CSGALNACT1: variants seen among roughly 807,000 people sequenced by gnomAD.
CSGALNACT1 encodes the protein beta4GalNAcT-1.
In CSGALNACT1, 52 loss-of-function variants were observed where a neutral mutation model predicts 51.0. The observed-to-expected ratio is 1.02, with a 90% confidence interval of 0.82 to 1.29. The LOEUF is 1.29. Ranked by LOEUF, CSGALNACT1 falls within the 50% of genes most tolerant of loss-of-function variation. CSGALNACT1 has a pLI of 0.00. For synonymous variants in CSGALNACT1, 341 were observed against 254.4 expected (o/e 1.34, Z -3.24); for missense variants, 935 against 679.2 (o/e 1.38, Z -4.19).
chr8:19,452,793 A>G (rs1055156658), intron 5 of CSGALNACT1, among the ~76,000 whole-genome samples: 5 of 152,050 alleles, frequency 3.3e-5, no homozygotes, highest in Admixed American at 1.3e-4. Context: ...CCCTACACCA[A>G]GCGAGCCGGG....
Position 19,636,847 on chromosome 8 carries a change from T to C in CSGALNACT1, c.-543-34982A>G, listed in dbSNP as rs553782953. On this transcript the variant is annotated intron_variant, in intron 1 of 9. Transcript: ENST00000332246. Reference sequence around the variant, plus strand: ...GGTCAATCAAAATCCTTGAGACAATTGTTTCACACTGAAGAAAGCAAGGAC... The same window carrying C: ...GGTCAATCAAAATCCTTGAGACAATCGTTTCACACTGAAGAAAGCAAGGAC... Among the ~76,000 whole-genome samples the C allele has an allele frequency of 6.6e-5, 10 of 152,306 alleles. No individual in the cohort carries two copies. In the South Asian group the frequency reaches 2.1e-3, roughly 32 times the overall value.
intron 3 of CSGALNACT1, among the ~76,000 whole-genome samples, chr8:19,578,372 A>G (rs2044757751): frequency 6.6e-6 from 1 of 152,174 alleles, no homozygotes; most frequent in Non-Finnish European, 1.5e-5. Flanking sequence ...TCCTTCCTGT[A>G]CTTAGGAATC....
At position 19,493,873 on chromosome 8, in the gene CSGALNACT1, C is replaced by T. The variant is rs573898375; in HGVS notation, c.634+11328G>A. ...GTATATATACGTATGTGTGTTTATA[C>T]ACACACACACACACACACACACACA... is the stretch of plus-strand genomic sequence containing the variant. On this transcript the variant is annotated intron_variant, in intron 4 of 9. Coordinates refer to ENST00000454498, the Ensembl canonical transcript of CSGALNACT1. Among the ~76,000 whole-genome samples, 141 of 15,308 alleles carry T rather than the reference C, an allele frequency of 9.2e-3. 3 individuals are homozygous for T. The highest frequency in any genetic ancestry group is 0.041 in the East Asian group (126 of 3,064). The allele number at this position is 15,308 out of a possible 152,430, so 10.0% of individuals were successfully genotyped here.
chr8:19,634,055 G>C (rs979600429), intron 1 of CSGALNACT1, among the ~76,000 whole-genome samples: 2 of 152,140 alleles, frequency 1.3e-5, no homozygotes, highest in African/African-American at 4.8e-5. Flanking sequence ...CTGGGACTTG[G>C]GAGTTTGTTT....
intron 1 of CSGALNACT1, among the ~76,000 whole-genome samples, chr8:19,669,032 C>T (rs763582195): frequency 4.6e-5 from 7 of 152,204 alleles, no homozygotes; most frequent in Non-Finnish European, 1.0e-4. Context: ...TGAATATTTA[C>T]AGGCTCTCAA....
At chr8:19,568,525 T>A (rs991759407) in intron 3 of CSGALNACT1, among the ~76,000 whole-genome samples, 7 of 152,136 alleles carry the variant, frequency 4.6e-5, no homozygotes, top group African/African-American at 1.4e-4. Context: ...TAAATAAACA[T>A]CAAATAATCA....
At chr8:19,587,117 G>A (rs1270140473) in intron 3 of CSGALNACT1, among the ~76,000 whole-genome samples, 5 of 152,124 alleles carry the variant, frequency 3.3e-5, no homozygotes, top group Non-Finnish European at 4.4e-5. Flanking sequence ...CAGGGCTGCA[G>A]GACCAAAAAC....
chr8:19,471,880 C>G (rs1456169179), intron 4 of CSGALNACT1, among the ~76,000 whole-genome samples: 2 of 152,192 alleles, frequency 1.3e-5, no homozygotes, highest in African/African-American at 4.8e-5. Flanking sequence ...AACTGGGCCT[C>G]TGCACTTTTC....
chr8:19,658,704 A>T (rs2058506400), intron 1 of CSGALNACT1, among the ~76,000 whole-genome samples: 1 of 152,156 alleles, frequency 6.6e-6, no homozygotes, highest in Non-Finnish European at 1.5e-5. Context: ...ACTGCACTCC[A>T]GCCTGGGTGA....
intron 8 of CSGALNACT1, among the ~76,000 whole-genome samples, chr8:19,409,699 C>T (rs2055239038): frequency 6.6e-6 from 1 of 152,068 alleles, no homozygotes; most frequent in African/African-American, 2.4e-5. Context: ...GCAGCAGGTT[C>T]CTCTTTCCCC....
chr8:19,522,040 C>A (rs1418291386), intron 3 of CSGALNACT1, among the ~76,000 whole-genome samples: 3 of 152,156 alleles, frequency 2.0e-5, no homozygotes, highest in Non-Finnish European at 4.4e-5. Flanking sequence ...ACCATTTGAG[C>A]CCTGCAGTTG....
chr8:19,716,708 C>T lies in CSGALNACT1; in HGVS notation c.-297+41142G>A, dbSNP rs141837081. ...TCAGGAGACTGAGGCATGAGAATCACGGGAACATGGGAGGCAGAAGTTGTA... is the reference window on the plus strand; with the variant it reads ...TCAGGAGACTGAGGCATGAGAATCATGGGAACATGGGAGGCAGAAGTTGTA... On this transcript the variant is annotated intron_variant, in intron 1 of 1. Transcript: ENST00000517494. 2.8e-3 allele frequency among the ~76,000 whole-genome samples: 421 copies of T among 149,574 alleles called. 1 individual carries two copies. Among genetic ancestry groups the T allele is most frequent in the Admixed American group, 5.2e-3 (77 of 14,884 alleles).
intron 1 of CSGALNACT1, among the ~76,000 whole-genome samples, chr8:19,628,133 C>T (rs1486398166): frequency 6.6e-6 from 1 of 152,162 alleles, no homozygotes; most frequent in East Asian, 1.9e-4. Context: ...TACACCTTTG[C>T]AGTAGATACT....
At chr8:19,673,532 G>T (rs1320420428) in intron 1 of CSGALNACT1, among the ~76,000 whole-genome samples, 1 of 152,162 alleles carries the variant, frequency 6.6e-6, no homozygotes, top group African/African-American at 2.4e-5. Flanking sequence ...CTGTCTTCAA[G>T]ATGCACCACA....
At chr8:19,725,197 C>G (rs1338023062) in intron 1 of CSGALNACT1, among the ~76,000 whole-genome samples, 4 of 152,174 alleles carry the variant, frequency 2.6e-5, no homozygotes, top group Non-Finnish European at 5.9e-5. Context: ...TGCGGAAGTC[C>G]AAGGCACTAA....
In CSGALNACT1 at chr8:19,543,077, C is replaced by T. The variant is rs372189268; in HGVS notation, c.-296-36947G>A. ...TCAGTTACATATGCAAAATATAACC[C>T]AGATTATGACTGAGTTATAACTAAC... On this transcript the variant is annotated intron_variant, in intron 3 of 9. Transcript: ENST00000454498. Among the ~76,000 whole-genome samples, 106 of 152,226 alleles carry T rather than the reference C, an allele frequency of 7.0e-4. 1 individual carries two copies. Among genetic ancestry groups the T allele is most frequent in the Middle Eastern group, 3.4e-3 (1 of 294 alleles).
chr8:19,743,672 A>T (rs1354492066), intron 1 of CSGALNACT1, among the ~76,000 whole-genome samples: 1 of 152,206 alleles, frequency 6.6e-6, no homozygotes, highest in East Asian at 1.9e-4. Flanking sequence ...GTAACTACTT[A>T]TTGATTGCTA....
intron 3 of CSGALNACT1, among the ~76,000 whole-genome samples, chr8:19,524,412 T>C (rs2081281666): frequency 6.6e-6 from 1 of 152,206 alleles, no homozygotes; most frequent in Non-Finnish European, 1.5e-5. Context: ...AAACTCACCA[T>C]TTAATCAACC....
At chr8:19,672,147 T>C (rs2059842371) in intron 1 of CSGALNACT1, among the ~76,000 whole-genome samples, 1 of 152,246 alleles carries the variant, frequency 6.6e-6, no homozygotes, top group Non-Finnish European at 1.5e-5. Flanking sequence ...TCTCCCTCTC[T>C]TTCTGTCAAG....
Sources: allele counts gnomAD v4.1 joint callset (sites outside exome capture counted in the v4.1 genomes callset), GRCh38; gene constraint gnomAD v4.1.1; transcripts MANE v1.5; gene names NCBI Gene and HGNC (gene_info 2026-07-23, HGNC 2026-07-21).